The following TESK2 variants were observed in gnomAD, a reference collection of about 807,000 sequenced individuals.
TESK2 encodes the protein testis associated actin remodelling kinase 2, also known as dual specificity testis-specific protein kinase 2.
In TESK2, 39 loss-of-function variants were observed where a neutral mutation model predicts 57.1. The ratio of observed to expected loss-of-function variants is 0.68; its 90% CI spans 0.53 to 0.89. The LOEUF is 0.89. Among genes scored for constraint, TESK2 ranks in the 40% least tolerant of loss-of-function variants. The pLI is 0.00. For missense variants in TESK2, 646 were observed against 732.1 expected (o/e 0.88, Z 1.36); for synonymous variants, 249 against 267.9 (o/e 0.93, Z 0.69).
chr1:45,448,258 A>T (rs1261795591), intron 2 of TESK2, among the ~76,000 whole-genome samples: 1 of 150,538 alleles, frequency 6.6e-6, no homozygotes, highest in African/African-American at 2.4e-5. Flanking sequence ...AAAAAAAAGA[A>T]AAAAGAAAAA....
chr1:45,441,932 T>G (rs1570734843), intron 2 of TESK2, among the ~76,000 whole-genome samples: 1 of 151,992 alleles, frequency 6.6e-6, no homozygotes, highest in African/African-American at 2.4e-5. Flanking sequence ...AAATTGTTTT[T>G]GTTTTGTTTT....
At chr1:45,407,299 C>T (rs1170967640) in intron 3 of TESK2, among the ~76,000 whole-genome samples, 1 of 151,866 alleles carries the variant, frequency 6.6e-6, no homozygotes, top group Non-Finnish European at 1.5e-5. Flanking sequence ...ACTATGTTGC[C>T]CAGGCTGGTC....
chr1:45,389,777 A>T (rs893353986), intron 3 of TESK2, among the ~76,000 whole-genome samples: 3 of 152,204 alleles, frequency 2.0e-5, no homozygotes, highest in African/African-American at 7.2e-5. Context: ...CCACCTTAAA[A>T]GGTTGTTATG....
chr1:45,387,624 C>A (rs1394630392), intron 3 of TESK2, among the ~76,000 whole-genome samples: 1 of 152,132 alleles, frequency 6.6e-6, no homozygotes, highest in Non-Finnish European at 1.5e-5. Context: ...ACCTAGTAAA[C>A]AAAGAGTAAG....
chr1:45,355,523 A>T, intron 4 of TESK2, 74 bp from the exon 5 acceptor site: 1 of 1,513,442 alleles, frequency 6.6e-7, no homozygotes, highest in Non-Finnish European at 8.9e-7. Flanking sequence ...ATTAGAGAGT[A>T]AACACCTGGA....
chr1:45,374,317 T>C (rs747427404), intron 4 of TESK2, among the ~76,000 whole-genome samples: 11 of 152,192 alleles, frequency 7.2e-5, no homozygotes, highest in Admixed American at 3.9e-4. Context: ...CAGTGAACAA[T>C]AGCCAAGCCC....
At chr1:45,463,974 C>A (rs1652434264) in intron 1 of TESK2, among the ~76,000 whole-genome samples, 1 of 152,066 alleles carries the variant, frequency 6.6e-6, no homozygotes, top group Non-Finnish European at 1.5e-5. Context: ...TAATGTGATT[C>A]CTCCAGTTTT....
rs1371606453 is a variant in TESK2, at chr1:45,344,363, C to G, written c.*477G>C. On this transcript the variant is annotated 3_prime_UTR_variant, in exon 11 of 11. Transcript: ENST00000372086. ...GTGCAAACAGCAATTACTCAAATGT[C>G]TTAGAATACTGGCAAGAAGCACCCC... is the stretch of plus-strand genomic sequence containing the variant. 6.1e-6 allele frequency: 1 copy of G among 164,444 alleles called. No individual in the cohort carries two copies. Among genetic ancestry groups the G allele is most frequent in the Non-Finnish European group, 1.3e-5 (1 of 75,402 alleles). The allele number at this position is 164,444 out of a possible 1,614,324, so 10.2% of individuals were successfully genotyped here. A position where few individuals can be genotyped will look rare whatever the true frequency, so the allele number is the denominator to read the frequency against.
In TESK2 at chr1:45,345,962, C is replaced by G. The variant is rs779980860; in HGVS notation, c.912G>C (p.Glu304Asp). 1.9e-6 allele frequency: 3 copies of G among 1,614,146 alleles called. No homozygotes were observed. The highest frequency in any genetic ancestry group is 2.5e-6 in the Non-Finnish European group (3 of 1,180,016). Residue 304 changes from glutamate (E) to aspartate (D), a missense_variant, in exon 10 of 11, where the codon GAG becomes GAC. Transcript: ENST00000372086. ...GAATTTCCTCCAGGGTCTTCCCAATCTCCACAAAAGATGGGCGCAGTTTGG... is the reference window on the plus strand; with the variant it reads ...GAATTTCCTCCAGGGTCTTCCCAATGTCCACAAAAGATGGGCGCAGTTTGG... ...MDPKLRPSFV[E>D]IGKTLEEILS...
rs140008107 is a variant in TESK2 at position 45,388,875 on chromosome 1, C to G, written c.345-2915G>C. ...AGCTGGGACTACAGGCGCCCGCCAC[C>G]ACGCCCGGCTAATTTTTTGTATGTT... On this transcript the variant is annotated intron_variant, in intron 3 of 10. Transcript: ENST00000372086. 1.9e-3 allele frequency among the ~76,000 whole-genome samples: 290 copies of G among 152,204 alleles called. 1 individual carries two copies. Among genetic ancestry groups the G allele is most frequent in the African/African-American group, 6.5e-3 (270 of 41,538 alleles).
At chr1:45,370,695 A>T (rs1218948621) in intron 4 of TESK2, among the ~76,000 whole-genome samples, 1 of 152,170 alleles carries the variant, frequency 6.6e-6, no homozygotes, top group African/African-American at 2.4e-5. Flanking sequence ...AGTCTGGTGC[A>T]GAGCTCTAAA....
At chr1:45,480,796 T>C (rs1015775650) in intron 1 of TESK2, among the ~76,000 whole-genome samples, 3 of 151,162 alleles carry the variant, frequency 2.0e-5, no homozygotes, top group Non-Finnish European at 2.9e-5. Context: ...GAGACTAGCC[T>C]GACCAACATG....
chr1:45,382,284 G>A (rs1254581387), intron 4 of TESK2, among the ~76,000 whole-genome samples: 1 of 151,434 alleles, frequency 6.6e-6, no homozygotes, highest in Non-Finnish European at 1.5e-5. Flanking sequence ...TGTCACCAAG[G>A]CTGGAATACA....
chr1:45,476,281 G>A (rs1652986685), intron 1 of TESK2, among the ~76,000 whole-genome samples: 1 of 151,294 alleles, frequency 6.6e-6, no homozygotes, highest in Non-Finnish European at 1.5e-5. Flanking sequence ...CCCGAGGCAG[G>A]TGGATCATTT....
chr1:45,426,622 C>T (rs1289635719), intron 2 of TESK2, among the ~76,000 whole-genome samples: 1 of 152,148 alleles, frequency 6.6e-6, no homozygotes, highest in East Asian at 1.9e-4. Context: ...GGTTAAAAAG[C>T]TTCTGCACAG....
At chr1:45,395,035 T>C (rs1649303609) in intron 3 of TESK2, among the ~76,000 whole-genome samples, 1 of 152,148 alleles carries the variant, frequency 6.6e-6, no homozygotes, top group African/African-American at 2.4e-5. Context: ...AACTAGACTT[T>C]GTCTAGAGAC....
chr1:45,410,738 TTTC>T (rs1650006490), intron 3 of TESK2, among the ~76,000 whole-genome samples: 1 of 151,834 alleles, frequency 6.6e-6, no homozygotes, highest in African/African-American at 2.4e-5. Context: ...TTCAATGTGA[TTTC>T]TTATTTATAT....
In TESK2 at chr1:45,410,772, AT is replaced by A. The variant is rs112512916; in HGVS notation, c.344+10952del. ...TATATATTTATTTATTTTATTTTTTATTTTTTTTTTAACATACATGGTCTCA... is the reference window on the plus strand; with the variant it reads ...TATATATTTATTTATTTTATTTTTTATTTTTTTTTAACATACATGGTCTCA... On this transcript the variant is annotated intron_variant, in intron 3 of 10. Transcript: ENST00000372086. Among the ~76,000 whole-genome samples the A allele has an allele frequency of 5.1e-3, 763 of 148,326 alleles. 7 individuals are homozygous for A. The highest frequency in any genetic ancestry group is 0.017 in the African/African-American group (688 of 40,534).
At chr1:45,386,091 T>G in intron 3 of TESK2, 131 bp from the exon 4 acceptor site, 1 of 573,144 alleles carries the variant, frequency 1.7e-6, no homozygotes, top group Non-Finnish European at 3.1e-6. Flanking sequence ...ACATCTGTAA[T>G]CCCCGCACTT....
Sources: gnomAD v4.1 joint callset for allele counts (sites outside exome capture counted in the v4.1 genomes callset) on GRCh38, gnomAD v4.1.1 for gene constraint, MANE v1.5 for transcripts, NCBI Gene and HGNC (gene_info 2026-07-23, HGNC 2026-07-21) for gene names.